Variants in COL4A3 observed in about 807,000 individuals in gnomAD.
The protein encoded by COL4A3 is collagen type IV alpha 3 chain.
Under a neutral mutation model 217.4 loss-of-function variants are expected in COL4A3, and 135 were observed. The observed-to-expected ratio is 0.62, with a 90% CI of 0.54 to 0.72. The LOEUF (loss-of-function observed/expected upper bound fraction) is 0.72. Ranked by LOEUF, COL4A3 falls within the 30% of genes least tolerant of loss-of-function variation. The pLI is 0.00. For synonymous variants in COL4A3, 690 were observed against 736.3 expected (o/e 0.94, Z 1.02); for missense variants, 1,868 against 2,119.9 (o/e 0.88, Z 2.33).
chr2:227,246,557 C>A, intron 6 of COL4A3, 128 bp from the exon 7 acceptor site: 1 of 745,556 alleles, frequency 1.3e-6, no homozygotes. Context: ...GACCCAGTAG[C>A]CATAAGGAAT....
At chr2:227,173,196 G>T (rs2065553344) in intron 1 of COL4A3, among the ~76,000 whole-genome samples, 1 of 152,126 alleles carries the variant, frequency 6.6e-6, no homozygotes, top group Non-Finnish European at 1.5e-5. Context: ...AGTTTAAAAT[G>T]TTAGTTTTAA....
intron 1 of COL4A3, among the ~76,000 whole-genome samples, chr2:227,199,263 G>A (rs10207952): frequency 0.11 from 16,011 of 152,150 alleles, 1,086 homozygotes; most frequent in Admixed American, 0.16. Context: ...TAGTTTTATA[G>A]CAGAGTTAGT....
chr2:227,266,234 C>T (rs938717201), intron 21 of COL4A3, among the ~76,000 whole-genome samples, 183 bp from the exon 22 acceptor site: 1 of 152,076 alleles, frequency 6.6e-6, no homozygotes, highest in Non-Finnish European at 1.5e-5. Flanking sequence ...AAAAATACCA[C>T]ATCTATGTAA....
In COL4A3 at chr2:227,241,661, G is replaced by A. The variant is rs549550630; in HGVS notation, c.234+1429G>A. On this transcript the variant is annotated intron_variant, in intron 3 of 51. Coordinates refer to ENST00000396578, the MANE Select transcript of COL4A3 (RefSeq NM_000091.5). The stretch of plus-strand genomic sequence containing the variant: ...TGCACTCCAGCCTGGGTAATAGAGC[G>A]AGACTCCATTAAAAAAATATATACG... Among the ~76,000 whole-genome samples, 289 of 146,520 alleles carry A rather than the reference G, an allele frequency of 2.0e-3. 3 individuals are homozygous for A. Among genetic ancestry groups the A allele is most frequent in the Non-Finnish European group, 3.4e-3 (224 of 66,626 alleles).
At position 227,253,226 on chromosome 2, in the gene COL4A3, C is replaced by T. The variant is rs1026488016; in HGVS notation, c.646-70C>T. ...AAATGCTCCCTTACAAATATTGGAA[C>T]TTTGATGGGTTTAGACTATTTATTC... On this transcript the variant is annotated intron_variant, in intron 11 of 51. Coordinates refer to ENST00000396578, the MANE Select transcript of COL4A3 (RefSeq NM_000091.5). This position sits in a 1 kb window ranked among gnomAD's most constrained non-coding sequence, Gnocchi z 4.4. The T allele has an allele frequency of 7.7e-6, 10 of 1,303,284 alleles. No individual in the cohort carries two copies. Among genetic ancestry groups the T allele is most frequent in the Non-Finnish European group, 1.1e-5 (10 of 906,098 alleles). 80.7% of individuals were successfully genotyped at this position (1,303,284 alleles called of 1,614,324 possible).
chr2:227,270,761 C>T lies in COL4A3; in HGVS notation c.1576-9C>T, dbSNP rs2071186705. 6.2e-7 allele frequency: 1 copy of T among 1,613,032 alleles called. No homozygotes were observed. Among genetic ancestry groups the T allele is most frequent in the African/African-American group, 1.3e-5 (1 of 75,008 alleles). On this transcript the variant is annotated splice_polypyrimidine_tract_variant and intron_variant, in intron 24 of 51. Transcript: ENST00000396578. ...AATACAATACAGATTCATTTGTGTA[C>T]TACCCTAGGGTTTCCCAGGTGCCCA...
intron 1 of COL4A3, among the ~76,000 whole-genome samples, chr2:227,190,496 T>C (rs2066190254): frequency 6.6e-6 from 1 of 152,258 alleles, no homozygotes; most frequent in South Asian, 2.1e-4. Flanking sequence ...CATCTAGGAA[T>C]ATATACATAT....
intron 28 of COL4A3, 87 bp downstream of exon 28, chr2:227,277,640 T>C: frequency 1.3e-6 from 1 of 754,070 alleles, no homozygotes; most frequent in Non-Finnish European, 2.3e-6. Flanking sequence ...TAAAATACAA[T>C]ATGAAGATAT....
In COL4A3 at chr2:227,253,623, C is replaced by T. The variant is rs1161472573; in HGVS notation, c.750C>T (p.Gly250=). ...GAACAGTTATTGTGACCCTAACTGG[C>T]CCAGATAACAGAACGGTAACTCTGC... ...PPGTVIVTLT[G]PDNRTDLKGE... The change falls in exon 13 of 52, where the codon GGC becomes GGT. Residue 250 remains glycine, a synonymous_variant. Coordinates refer to ENST00000396578, the MANE Select transcript of COL4A3 (RefSeq NM_000091.5). The surrounding 1 kb of genome is among the most constrained non-coding windows in gnomAD (Gnocchi z 4.4). The T allele has an allele frequency of 5.6e-6, 9 of 1,613,820 alleles. No homozygotes were observed. Among genetic ancestry groups the T allele is most frequent in the Non-Finnish European group, 7.6e-6 (9 of 1,179,770 alleles).
chr2:227,193,994 GGAGAAAGAGAA>G (rs2066366784), intron 1 of COL4A3, among the ~76,000 whole-genome samples: 1 of 59,524 alleles, frequency 1.7e-5, no homozygotes, highest in African/African-American at 6.9e-5. Flanking sequence ...GAGAAGGAGA[GGAGAAAGAGAA>G]GGGAAGGAAG....
chr2:227,182,291 C>T (rs1559800508), intron 1 of COL4A3, among the ~76,000 whole-genome samples: 1 of 152,218 alleles, frequency 6.6e-6, no homozygotes, highest in Non-Finnish European at 1.5e-5. Flanking sequence ...CCTCCACCCA[C>T]TCACGACAGC....
rs59472907 is a variant in COL4A3 at position 227,252,586 on chromosome 2, GCACACACA to G, written c.646-682_646-675del. Among the ~76,000 whole-genome samples, 428 of 146,196 alleles carry G rather than the reference GCACACACA, an allele frequency of 2.9e-3. 2 individuals are homozygous for G. The highest frequency in any genetic ancestry group is 5.6e-3 in the African/African-American group (221 of 39,152). On this transcript the variant is annotated intron_variant, in intron 11 of 51. Coordinates refer to ENST00000396578, the MANE Select transcript of COL4A3 (RefSeq NM_000091.5). ...TATTATCTCATTGATACACACAAAT[GCACACACA>G]CACACACACACACACACACACACAC...
intron 1 of COL4A3, among the ~76,000 whole-genome samples, chr2:227,203,579 A>G (rs1188183294): frequency 2.8e-4 from 1 of 3,520 alleles, no homozygotes; most frequent in Non-Finnish European, 4.5e-4. Context: ...ATATGTGTGT[A>G]TATATGTGTA....
At chr2:227,294,867 C>T (rs2072952312) in intron 39 of COL4A3, 97 bp from the exon 40 acceptor site, 1 of 944,854 alleles carries the variant, frequency 1.1e-6, no homozygotes, top group Non-Finnish European at 1.7e-6. Flanking sequence ...CAATTCCACA[C>T]ATCTCCCTGG....
At chr2:227,279,654 G>T in intron 28 of COL4A3, 139 bp from the exon 29 acceptor site, 1 of 574,242 alleles carries the variant, frequency 1.7e-6, no homozygotes, top group Non-Finnish European at 3.0e-6. Flanking sequence ...TTAAAAAATT[G>T]CTAATTTATC....
chr2:227,201,853 A>G (rs2066699039), intron 1 of COL4A3, among the ~76,000 whole-genome samples: 1 of 152,228 alleles, frequency 6.6e-6, no homozygotes. Flanking sequence ...CCTGATCCCA[A>G]ATGAAGCACT....
chr2:227,210,609 A>C (rs545194734), intron 1 of COL4A3, among the ~76,000 whole-genome samples: 61 of 151,992 alleles, frequency 4.0e-4, no homozygotes, highest in Admixed American at 1.2e-3. Context: ...AAAAGAATGC[A>C]AAATAAACAC....
At chr2:227,218,896 T>A (rs967162841) in intron 1 of COL4A3, among the ~76,000 whole-genome samples, 3 of 152,246 alleles carry the variant, frequency 2.0e-5, no homozygotes, top group African/African-American at 7.2e-5. Flanking sequence ...TTTCATATCC[T>A]TTCGTATTTC....
At chr2:227,284,384 G>C (rs776435042) in intron 34 of COL4A3, 39 bp downstream of exon 34, 3 of 1,597,658 alleles carry the variant, frequency 1.9e-6, no homozygotes, top group South Asian at 2.3e-5. Flanking sequence ...CATCAGAGCT[G>C]ATTCTCAGGC....
Sources: gnomAD v4.1 joint callset for allele counts (sites outside exome capture counted in the v4.1 genomes callset) on GRCh38, gnomAD v4.1.1 for gene constraint, Gnocchi (gnomAD v3.1) non-coding constraint, MANE v1.5 for transcripts, NCBI Gene and HGNC (gene_info 2026-07-23, HGNC 2026-07-21) for gene names.